The following MYCBP2 variants were observed in gnomAD, a reference collection of about 807,000 sequenced individuals.
MYCBP2 encodes the protein MYC binding protein 2, also known as E3 ubiquitin-protein ligase MYCBP2.
MYCBP2 carries 120 observed loss-of-function variants against 525.3 expected under a neutral mutation model. That is an observed-to-expected ratio of 0.23 (90% confidence interval 0.20 to 0.27). The LOEUF (loss-of-function observed/expected upper bound fraction) is 0.27. Ranked by LOEUF, MYCBP2 falls within the 10% of genes least tolerant of loss-of-function variation. MYCBP2 has a pLI of 1.00. For missense variants in MYCBP2, 4,149 were observed against 5,657.1 expected (o/e 0.73, Z 8.55); for synonymous variants, 1,894 against 1,955.8 (o/e 0.97, Z 0.83).
intron 66 of MYCBP2, among the ~76,000 whole-genome samples, chr13:77,078,547 AC>A (rs2042730283): frequency 6.6e-6 from 1 of 152,148 alleles, no homozygotes; most frequent in South Asian, 2.1e-4. Context: ...ATTTTAAGAT[AC>A]CCTGAGTCTT....
intron 14 of MYCBP2, among the ~76,000 whole-genome samples, chr13:77,255,804 C>T (rs750680701): frequency 2.6e-5 from 4 of 151,882 alleles, no homozygotes; most frequent in Admixed American, 6.6e-5. Flanking sequence ...GACATCAAAG[C>T]CTCAAAACAG....
intron 14 of MYCBP2, among the ~76,000 whole-genome samples, chr13:77,257,470 T>C (rs1380860229): frequency 6.6e-6 from 1 of 151,994 alleles, no homozygotes; most frequent in Non-Finnish European, 1.5e-5. Flanking sequence ...TTACACATTG[T>C]AGGCCTGTAT....
chr13:77,201,208 C>A (rs936984537), intron 26 of MYCBP2, among the ~76,000 whole-genome samples: 5 of 150,288 alleles, frequency 3.3e-5, no homozygotes, highest in Admixed American at 2.0e-4. Flanking sequence ...ATCTACCAAG[C>A]AAATGGAAAA....
Position 77,114,055 on chromosome 13 carries a change from C to T in MYCBP2, c.8140+7318G>A, listed in dbSNP as rs541301090. Among the ~76,000 whole-genome samples the T allele has an allele frequency of 5.3e-5, 8 of 152,140 alleles. No homozygotes were observed. The East Asian group carries it at 9.7e-4, about 18-fold the overall frequency. On this transcript the variant is annotated intron_variant, in intron 55 of 82. Coordinates refer to ENST00000544440, the MANE Select transcript of MYCBP2 (RefSeq NM_015057.5). ...CAAATACAGTGCTGAGATTATAATC[C>T]GGGGTAGAAATGACTCAGTCTAAGC...
chr13:77,179,941 TGAGA>T (rs1469119487), intron 34 of MYCBP2, among the ~76,000 whole-genome samples, 182 bp downstream of exon 34: 2 of 151,852 alleles, frequency 1.3e-5, no homozygotes, highest in East Asian at 3.9e-4. Flanking sequence ...GGTAAACTGG[TGAGA>T]GAGAAGTAAC....
At chr13:77,198,082 T>C (rs959993311) in intron 26 of MYCBP2, among the ~76,000 whole-genome samples, 2 of 152,314 alleles carry the variant, frequency 1.3e-5, no homozygotes, top group South Asian at 2.1e-4. Context: ...CATTGTCAAA[T>C]AGAACTACAT....
intron 48 of MYCBP2, 25 bp from the exon 49 acceptor site, chr13:77,144,585 G>T: frequency 6.6e-7 from 1 of 1,516,354 alleles, no homozygotes; most frequent in Non-Finnish European, 9.2e-7. Flanking sequence ...GATGGATATT[G>T]GAAATTTTAC....
At chr13:77,111,905 C>G (rs1038804890) in intron 55 of MYCBP2, among the ~76,000 whole-genome samples, 15 of 152,118 alleles carry the variant, frequency 9.9e-5, no homozygotes, top group African/African-American at 3.6e-4. Flanking sequence ...GTATGGCTTA[C>G]AAGACCCTTC....
At chr13:77,048,155 A>G (rs1289964033) in intron 82 of MYCBP2, among the ~76,000 whole-genome samples, 2 of 152,036 alleles carry the variant, frequency 1.3e-5, no homozygotes, top group African/African-American at 2.4e-5. Context: ...TGATGAGGTC[A>G]TGGGGTGGAA....
At chr13:77,228,217 C>G (rs1402146793) in intron 18 of MYCBP2, among the ~76,000 whole-genome samples, 3 of 152,052 alleles carry the variant, frequency 2.0e-5, no homozygotes, top group African/African-American at 7.2e-5. Flanking sequence ...AAGATTAATT[C>G]TGCTCAAGCT....
chr13:77,062,795 A>G, intron 73 of MYCBP2, 98 bp from the exon 74 acceptor site: 1 of 909,716 alleles, frequency 1.1e-6, no homozygotes, highest in South Asian at 1.5e-5. Flanking sequence ...ATGCTGGCTG[A>G]TTTTGAAAAT....
intron 3 of MYCBP2, among the ~76,000 whole-genome samples, chr13:77,281,199 T>G (rs2076152606): frequency 6.6e-6 from 1 of 152,184 alleles, no homozygotes; most frequent in Non-Finnish European, 1.5e-5. Context: ...AATATAGTCC[T>G]GCCAATATAG....
intron 52 of MYCBP2, among the ~76,000 whole-genome samples, chr13:77,135,307 G>A (rs1481732265): frequency 1.3e-5 from 2 of 152,090 alleles, no homozygotes; most frequent in Non-Finnish European, 2.9e-5. Context: ...TACTTTAAAC[G>A]AACTGAAGTA....
chr13:77,144,205 A>G (rs117551055), intron 49 of MYCBP2: 5,863 of 487,896 alleles, frequency 0.012, 70 homozygotes, highest in Non-Finnish European at 0.015. Context: ...GACTAGTAAC[A>G]TCAGGAAATG....
chr13:77,184,799 G>T (rs2060570145), intron 32 of MYCBP2, among the ~76,000 whole-genome samples: 1 of 152,074 alleles, frequency 6.6e-6, no homozygotes, highest in African/African-American at 2.4e-5. Flanking sequence ...GGGGCCTCCT[G>T]GTGCTATCCC....
chr13:77,160,915 G>C (rs1188728831), intron 44 of MYCBP2, among the ~76,000 whole-genome samples: 1 of 152,160 alleles, frequency 6.6e-6, no homozygotes. Context: ...CATTTTTAAA[G>C]AGTGTTTTTA....
At chr13:77,281,600 A>G (rs1465955156) in intron 3 of MYCBP2, among the ~76,000 whole-genome samples, 1 of 152,144 alleles carries the variant, frequency 6.6e-6, no homozygotes, top group African/African-American at 2.4e-5. Context: ...AAGGTTATCT[A>G]TCATATTTGA....
chr13:77,112,399 G>A (rs2048984102), intron 55 of MYCBP2, among the ~76,000 whole-genome samples: 1 of 144,122 alleles, frequency 6.9e-6, no homozygotes, highest in Admixed American at 7.0e-5. Context: ...TATATAGAAT[G>A]TATTTTATAT....
intron 8 of MYCBP2, among the ~76,000 whole-genome samples, chr13:77,265,884 T>A (rs1380285364): frequency 6.6e-6 from 1 of 152,166 alleles, no homozygotes; most frequent in Non-Finnish European, 1.5e-5. Context: ...CAGGAATATA[T>A]CAAGCAACAT....
Sources: allele counts gnomAD v4.1 joint callset (sites outside exome capture counted in the v4.1 genomes callset), GRCh38; gene constraint gnomAD v4.1.1; transcripts MANE v1.5; gene names NCBI Gene and HGNC (gene_info 2026-07-23, HGNC 2026-07-21).